Variants in TLE1 observed in about 807,000 individuals in gnomAD.
The protein encoded by TLE1 is transducin-like enhancer protein 1.
Under a neutral mutation model 89.8 loss-of-function variants are expected in TLE1, and 21 were observed. The observed-to-expected ratio is 0.23, with a 90% CI of 0.17 to 0.34. TLE1 has a LOEUF of 0.34. Among genes scored for constraint, TLE1 ranks in the 10% least tolerant of loss-of-function variants. The pLI is 1.00. For missense variants in TLE1, 795 were observed against 1,031.2 expected (o/e 0.77, Z 3.14); for synonymous variants, 447 against 407.6 (o/e 1.10, Z -1.16).
chr9:81,623,577 G>A lies in TLE1; in HGVS notation c.595-3020C>T, dbSNP rs964760076. The stretch of plus-strand genomic sequence containing the variant: ...GCAGATCGCCTGTGAAAAGGAGTTC[G>A]AGACCAGCCTGGCCAACATGGTGAA... On this transcript the variant is annotated intron_variant, in intron 8 of 19. Transcript: ENST00000376499. Among the ~76,000 whole-genome samples, 10 of 143,898 alleles carry A rather than the reference G, an allele frequency of 6.9e-5. No homozygotes were observed. In the South Asian group the frequency reaches 1.7e-3, roughly 25 times the overall value. The allele number at this position is 143,898 out of a possible 152,430, so 94.4% of individuals were successfully genotyped here.
chr9:81,641,733 T>A (rs1002227948), intron 6 of TLE1, among the ~76,000 whole-genome samples: 1 of 152,074 alleles, frequency 6.6e-6, no homozygotes, highest in Non-Finnish European at 1.5e-5. Flanking sequence ...CAATGAAATA[T>A]CACCTCAGGC....
chr9:81,648,004 G>A (rs1177712568), intron 6 of TLE1, among the ~76,000 whole-genome samples: 1 of 152,082 alleles, frequency 6.6e-6, no homozygotes, highest in African/African-American at 2.4e-5. Context: ...AGGCACGGTG[G>A]CTTACACCTG....
chr9:81,664,500 A>T (rs1390611368), intron 4 of TLE1, among the ~76,000 whole-genome samples: 1 of 152,194 alleles, frequency 6.6e-6, no homozygotes, highest in Non-Finnish European at 1.5e-5. Flanking sequence ...GTGTCTGAGT[A>T]GCTTTTGTTT....
At chr9:81,631,976 C>T (rs1483306441) in intron 8 of TLE1, among the ~76,000 whole-genome samples, 1 of 152,118 alleles carries the variant, frequency 6.6e-6, no homozygotes, top group Non-Finnish European at 1.5e-5. Flanking sequence ...GTGGCACAGG[C>T]CTGTAATCCC....
chr9:81,668,396 G>A (rs1239413652), intron 4 of TLE1, among the ~76,000 whole-genome samples: 1 of 152,154 alleles, frequency 6.6e-6, no homozygotes, highest in African/African-American at 2.4e-5. Context: ...GTATTTAGAA[G>A]AGAGTAAGCA....
intron 13 of TLE1, among the ~76,000 whole-genome samples, chr9:81,610,641 C>T (rs1823576818): frequency 6.6e-6 from 1 of 152,108 alleles, no homozygotes; most frequent in African/African-American, 2.4e-5. Flanking sequence ...CATTTGGGGC[C>T]AAACAGTTCT....
chr9:81,669,168 G>A (rs1831884418), intron 4 of TLE1, among the ~76,000 whole-genome samples: 1 of 152,180 alleles, frequency 6.6e-6, no homozygotes, highest in Non-Finnish European at 1.5e-5. Flanking sequence ...AATCCACCAG[G>A]GAATAAAGGT....
At chr9:81,652,112 C>CACACACACAA (rs1829626855) in intron 6 of TLE1, 102 bp downstream of exon 6, 1 of 1,022,518 alleles carries the variant, frequency 9.8e-7, no homozygotes, top group Admixed American at 1.9e-5. Context: ...AAGATACACA[C>CACACACACAA]ACACACACAC....
At chr9:81,659,200 G>T (rs185292214) in intron 4 of TLE1, among the ~76,000 whole-genome samples, 1 of 152,214 alleles carries the variant, frequency 6.6e-6, no homozygotes, top group Non-Finnish European at 1.5e-5. Context: ...GAGCCACCGC[G>T]CCTGGCCTCT....
chr9:81,618,584 A>G (rs1824848938), intron 9 of TLE1, among the ~76,000 whole-genome samples: 2 of 152,222 alleles, frequency 1.3e-5, no homozygotes, highest in Non-Finnish European at 2.9e-5. Context: ...TGAAATAAAT[A>G]TTTTCATGCA....
intron 6 of TLE1, among the ~76,000 whole-genome samples, chr9:81,644,786 G>C (rs948666778): frequency 2.6e-5 from 4 of 151,892 alleles, no homozygotes; most frequent in Non-Finnish European, 5.9e-5. Context: ...CTGAGGTCAG[G>C]AGTTTGAGAA....
intron 3 of TLE1, 52 bp from the exon 4 acceptor site, chr9:81,685,772 TCTG>T (rs769574669): frequency 2.0e-5 from 33 of 1,612,142 alleles, no homozygotes; most frequent in East Asian, 4.5e-5. Flanking sequence ...TTTTTTACAC[TCTG>T]CTAACACGTT....
Position 81,600,143 on chromosome 9 carries a change from G to T in TLE1, c.1332-6869C>A, listed in dbSNP as rs944688166. The T allele has an allele frequency of 1.4e-5, 10 of 723,360 alleles. No individual in the cohort carries two copies. The South Asian group carries it at 1.5e-4, about 11-fold the overall frequency. 44.8% of individuals were successfully genotyped at this position (723,360 alleles called of 1,614,324 possible). A position where few individuals can be genotyped will look rare whatever the true frequency, so the allele number is the denominator to read the frequency against. On this transcript the variant is annotated intron_variant, in intron 14 of 19. Transcript: ENST00000376499. Reference sequence around the variant, plus strand: ...TAAACAGGACAAAGATACAAATGGAGAAATTCTTGGATGGAAAGTAAAACA... The same window carrying T: ...TAAACAGGACAAAGATACAAATGGATAAATTCTTGGATGGAAAGTAAAACA...
chr9:81,672,047 C>CA (rs1832294537), intron 4 of TLE1, among the ~76,000 whole-genome samples: 1 of 152,172 alleles, frequency 6.6e-6, no homozygotes, highest in African/African-American at 2.4e-5. Context: ...GCTTCCCCTA[C>CA]AGATCCTCAG....
chr9:81,615,182 T>C (rs1201274667), intron 11 of TLE1, among the ~76,000 whole-genome samples: 1 of 142,598 alleles, frequency 7.0e-6, no homozygotes, highest in East Asian at 2.1e-4. Context: ...TGTATGGTGG[T>C]ACCAGGCGTG....
Position 81,634,237 on chromosome 9 carries a change from T to C in TLE1, c.437A>G (p.His146Arg), listed in dbSNP as rs1317693134. 1 of 1,584,678 alleles carries C rather than the reference T, an allele frequency of 6.3e-7. No individual in the cohort carries two copies. Among genetic ancestry groups the C allele is most frequent in the East Asian group, 2.3e-5 (1 of 43,868 alleles). ...GHGPPVPLTPHPSGLQPPGIP... is the reference protein window; with the variant it reads ...GHGPPVPLTPRPSGLQPPGIP... ...TCCAGGAGGCTGAAGTCCCGAAGGG[T>C]GAGGCGTAAGGGGAACTGGGGGTCC... Residue 146 changes from histidine (H) to arginine (R), a missense_variant, in exon 7 of 20, where the codon CAC (histidine) becomes CGC (arginine). Physicochemically the swap from His to Arg is conservative, Grantham distance 29 (BLOSUM62 0). This residue lies in a region of TLE1 where 468 missense variants were observed against 509.1 expected (regional missense o/e 0.92). Coordinates refer to ENST00000376499, the MANE Select transcript of TLE1 (RefSeq NM_005077.5).
chr9:81,660,944 C>CACACACA (rs1480307708), intron 4 of TLE1, among the ~76,000 whole-genome samples: 5 of 95,266 alleles, frequency 5.2e-5, no homozygotes, highest in Admixed American at 1.1e-4. Flanking sequence ...AACACACACA[C>CACACACA]ACACACACAC....
chr9:81,684,570 G>C (rs1834024122), intron 4 of TLE1, among the ~76,000 whole-genome samples: 1 of 152,182 alleles, frequency 6.6e-6, no homozygotes, highest in Non-Finnish European at 1.5e-5. Context: ...TGAATATAAG[G>C]AAGATCTGAA....
intron 6 of TLE1, among the ~76,000 whole-genome samples, chr9:81,637,600 G>A (rs1827555331): frequency 6.6e-6 from 1 of 150,544 alleles, no homozygotes; most frequent in Non-Finnish European, 1.5e-5. Context: ...GTTATTAGAG[G>A]TAACTGGGTT....
Sources: gnomAD v4.1 joint callset for allele counts (sites outside exome capture counted in the v4.1 genomes callset) on GRCh38, gnomAD v4.1.1 for gene constraint, gnomAD v4.1.1 regional missense constraint, MANE v1.5 for transcripts, NCBI Gene and HGNC (gene_info 2026-07-23, HGNC 2026-07-21) for gene names.